RNF19A: variants seen among roughly 807,000 people sequenced by gnomAD.
RNF19A encodes E3 ubiquitin-protein ligase RNF19A.
A neutral mutation model predicts 75.7 loss-of-function variants in RNF19A; 32 were observed. The ratio of observed to expected loss-of-function variants is 0.42; its 90% CI spans 0.32 to 0.57. The LOEUF (loss-of-function observed/expected upper bound fraction) is 0.57, where lower values mean the gene tolerates loss of function less well. RNF19A is among the 20% of genes least tolerant of loss of function. RNF19A has a pLI of 0.10. For synonymous variants in RNF19A, 335 were observed against 345.2 expected (o/e 0.97, Z 0.33); for missense variants, 782 against 1,036.3 (o/e 0.75, Z 3.37).
Position 100,264,149 on chromosome 8 carries a change from T to G in RNF19A, c.1353A>C (p.Pro451=). ...IMLAYVYGVV[P]ISLCRSGGCG... ...AACCTCCGCTTCGACAAAGAGAAAT[T>G]GGAACTACGCCATAGACATAAGCTA... Residue 451 remains proline, a synonymous_variant, in exon 7 of 10, where the codon CCA becomes CCC. Transcript: ENST00000341084. This position sits in a 1 kb window ranked among gnomAD's most constrained non-coding sequence, Gnocchi z 4.7. 1 of 1,613,764 alleles carries G rather than the reference T, an allele frequency of 6.2e-7. No homozygotes were observed.
chr8:100,315,083 G>A (rs1165047879), intron 1 of RNF19A, among the ~76,000 whole-genome samples: 1 of 152,172 alleles, frequency 6.6e-6, no homozygotes, highest in Admixed American at 6.5e-5. Flanking sequence ...GCTGAGGCAA[G>A]CAGATGATTT....
At chr8:100,281,703 T>C (rs1820789461) in intron 2 of RNF19A, among the ~76,000 whole-genome samples, 1 of 152,208 alleles carries the variant, frequency 6.6e-6, no homozygotes, top group Non-Finnish European at 1.5e-5. Flanking sequence ...AAGTCCAAAA[T>C]AATTTTTTAA....
At chr8:100,279,728 T>A (rs1471751187) in intron 2 of RNF19A, among the ~76,000 whole-genome samples, 1 of 152,138 alleles carries the variant, frequency 6.6e-6, no homozygotes, top group African/African-American at 2.4e-5. Context: ...GGTTTTGCCA[T>A]GTTGGCTAGG....
chr8:100,304,549 C>A (rs925737925), intron 1 of RNF19A, among the ~76,000 whole-genome samples: 1 of 152,170 alleles, frequency 6.6e-6, no homozygotes, highest in African/African-American at 2.4e-5. Flanking sequence ...TCCAAATGAC[C>A]TTATTTCATG....
chr8:100,266,503 A>T (rs1328694015), intron 5 of RNF19A, among the ~76,000 whole-genome samples: 1 of 152,050 alleles, frequency 6.6e-6, no homozygotes, highest in Non-Finnish European at 1.5e-5. Context: ...ATATTTTGAA[A>T]TTTTTTATTT....
At chr8:100,273,038 T>A (rs890284547) in intron 3 of RNF19A, among the ~76,000 whole-genome samples, 2 of 152,006 alleles carry the variant, frequency 1.3e-5, no homozygotes, top group Non-Finnish European at 2.9e-5. Context: ...GCTAATTTTT[T>A]AAATTTTTTG....
At chr8:100,279,270 C>T (rs954388580) in intron 2 of RNF19A, among the ~76,000 whole-genome samples, 7 of 152,006 alleles carry the variant, frequency 4.6e-5, no homozygotes, top group Admixed American at 1.3e-4. Context: ...TATATACACA[C>T]GGTATATTTA....
intron 1 of RNF19A, among the ~76,000 whole-genome samples, chr8:100,328,768 T>G (rs901687100): frequency 6.6e-6 from 1 of 152,174 alleles, no homozygotes; most frequent in Non-Finnish European, 1.5e-5. Context: ...CCGCACCTGG[T>G]CTGCGTTAAT....
chr8:100,334,578 C>G (rs1822652178), intron 1 of RNF19A, among the ~76,000 whole-genome samples: 1 of 152,236 alleles, frequency 6.6e-6, no homozygotes, highest in South Asian at 2.1e-4. Context: ...TGCTCACCTT[C>G]TCCCTTTCTT....
At chr8:100,292,992 G>C (rs1182797191) in intron 1 of RNF19A, among the ~76,000 whole-genome samples, 7 of 152,136 alleles carry the variant, frequency 4.6e-5, no homozygotes, top group Non-Finnish European at 7.4e-5. Context: ...TGGGGGGTGG[G>C]AGCAAGGATG....
rs1821116330 is a variant in RNF19A, at chr8:100,288,111, G to A, written c.64C>T (p.Pro22Ser). The A allele has an allele frequency of 6.2e-7, 1 of 1,613,740 alleles. No homozygotes were observed. The highest frequency in any genetic ancestry group is 1.1e-5 in the South Asian group (1 of 91,064). Reference sequence around the variant, plus strand: ...AAAATGCTTGTTAGAATTGAGACAGGGTCAGTGTTTACACACAGCCCTTCA... The same window carrying A: ...AAAATGCTTGTTAGAATTGAGACAGAGTCAGTGTTTACACACAGCCCTTCA... The part of the protein sequence containing the change: ...YNEGLCVNTD[P>S]VSILTSILDM... The change falls in exon 2 of 10, where the codon CCT becomes TCT. Residue 22 changes from proline to serine, a missense_variant. Transcript: ENST00000341084.
chr8:100,278,500 A>T (rs962142492), intron 2 of RNF19A, among the ~76,000 whole-genome samples: 1 of 152,222 alleles, frequency 6.6e-6, no homozygotes, highest in African/African-American at 2.4e-5. Context: ...TGACTGTAAA[A>T]GCCAAATTTA....
At chr8:100,310,228 T>A (rs1368717816), upstream of RNF19A, 1 of 985,042 alleles carries the variant, frequency 1.0e-6, no homozygotes, top group Non-Finnish European at 1.2e-6. Flanking sequence ...CCGGGCCCGC[T>A]GCGGGCGGCT....
In RNF19A at chr8:100,267,512, G is replaced by A. The variant is rs554952709; in HGVS notation, c.1191+1273C>T. Reference sequence around the variant, plus strand: ...AGCCTCCCAAGTAGCTGGGACTACAGGTGCATACTACCATACCCAGATAAT... The same window carrying A: ...AGCCTCCCAAGTAGCTGGGACTACAAGTGCATACTACCATACCCAGATAAT... On this transcript the variant is annotated intron_variant, in intron 5 of 9. Coordinates refer to ENST00000341084, the MANE Select transcript of RNF19A (RefSeq NM_183419.4). Among the ~76,000 whole-genome samples the A allele has an allele frequency of 5.1e-4, 77 of 152,078 alleles. 1 individual carries two copies. Among genetic ancestry groups the A allele is most frequent in the Non-Finnish European group, 7.5e-4 (51 of 68,002 alleles).
upstream of RNF19A, among the ~76,000 whole-genome samples, chr8:100,310,724 G>A (rs1004128313): frequency 6.6e-6 from 1 of 151,770 alleles, no homozygotes; most frequent in African/African-American, 2.4e-5. Flanking sequence ...CTACGTGAGG[G>A]TTTGGAGAGT....
intron 1 of RNF19A, among the ~76,000 whole-genome samples, chr8:100,303,878 A>G (rs189033606): frequency 1.5e-3 from 233 of 152,060 alleles, no homozygotes; most frequent in Non-Finnish European, 2.4e-3. Context: ...CGGAGGGTGC[A>G]GTAAGCCAAG....
At chr8:100,318,968 T>C (rs1822425565) in intron 1 of RNF19A, among the ~76,000 whole-genome samples, 1 of 152,228 alleles carries the variant, frequency 6.6e-6, no homozygotes, top group Non-Finnish European at 1.5e-5. Context: ...CCCAGGCAAC[T>C]GTTCTTCCTG....
chr8:100,309,105 A>G (rs536740606), intron 1 of RNF19A, among the ~76,000 whole-genome samples: 3 of 152,320 alleles, frequency 2.0e-5, no homozygotes, highest in Admixed American at 2.0e-4. Context: ...AGTGGAACCC[A>G]GATAAGAAAA....
chr8:100,304,608 A>C (rs1174852658), intron 1 of RNF19A, among the ~76,000 whole-genome samples: 1 of 152,236 alleles, frequency 6.6e-6, no homozygotes, highest in Non-Finnish European at 1.5e-5. Flanking sequence ...TTCCATACAA[A>C]AACTGAAAAA....
Sources: allele counts gnomAD v4.1 joint callset (sites outside exome capture counted in the v4.1 genomes callset), GRCh38; gene constraint gnomAD v4.1.1; non-coding constraint Gnocchi (gnomAD v3.1); transcripts MANE v1.5; gene names NCBI Gene and HGNC (gene_info 2026-07-23, HGNC 2026-07-21).